CSMD1: variants seen among roughly 807,000 people sequenced by gnomAD.
The protein encoded by CSMD1 is CUB and sushi domain-containing protein 1.
Under a neutral mutation model 417.5 loss-of-function variants are expected in CSMD1, and 213 were observed. That is an observed-to-expected ratio of 0.51 (90% CI 0.46 to 0.57). CSMD1 has a LOEUF of 0.57. Ranked by LOEUF, CSMD1 falls within the 20% of genes least tolerant of loss-of-function variation. The pLI, the probability that CSMD1 is intolerant of heterozygous loss-of-function variation, is 0.00. For missense variants in CSMD1, 6,923 were observed against 4,529.7 expected (o/e 1.53, Z -15.17); for synonymous variants, 2,862 against 1,736.8 (o/e 1.65, Z -16.11).
intron 6 of CSMD1, among the ~76,000 whole-genome samples, chr8:3,718,409 G>A (rs1393251864): frequency 6.6e-6 from 1 of 152,142 alleles, no homozygotes; most frequent in Non-Finnish European, 1.5e-5. Context: ...ATCAGTCAGT[G>A]TCCTTTCCTT....
chr8:3,197,757 C>T (rs1198442911), intron 33 of CSMD1, among the ~76,000 whole-genome samples: 1 of 152,190 alleles, frequency 6.6e-6, no homozygotes, highest in Non-Finnish European at 1.5e-5. Flanking sequence ...AGCCACCGTG[C>T]CCGGCTTCAA....
rs1800641462 is a variant in CSMD1, at chr8:3,256,235, G to A, written c.4154-26004C>T. Among the ~76,000 whole-genome samples the A allele has an allele frequency of 3.4e-5, 5 of 148,888 alleles. No homozygotes were observed. The South Asian group carries it at 1.1e-3, about 32-fold the overall frequency. ...CCAACTACTCAGGGGGCTGAGGCAG[G>A]AGAATTGCTTGAACCTGGGAGGCAG... On this transcript the variant is annotated intron_variant, in intron 26 of 69. Transcript: ENST00000635120.
intron 1 of CSMD1, among the ~76,000 whole-genome samples, chr8:4,713,411 T>A (rs1423391150): frequency 6.6e-6 from 1 of 151,438 alleles, no homozygotes; most frequent in African/African-American, 2.4e-5. Context: ...TTTGTTTTGT[T>A]TTGTTTTTGA....
chr8:3,906,605 C>G (rs1379236438), intron 5 of CSMD1, among the ~76,000 whole-genome samples: 1 of 149,340 alleles, frequency 6.7e-6, no homozygotes, highest in African/African-American at 2.5e-5. Context: ...AGGTAATACT[C>G]TAGAATCTAA....
At chr8:3,921,568 C>T (rs11136679) in intron 5 of CSMD1, among the ~76,000 whole-genome samples, 35,183 of 151,932 alleles carry the variant, frequency 0.23, 5,011 homozygotes, top group East Asian at 0.42. Flanking sequence ...TTTGCTTCAT[C>T]TATTTTGGTG....
intron 7 of CSMD1, among the ~76,000 whole-genome samples, chr8:3,663,754 C>G (rs912374451): frequency 6.6e-6 from 1 of 151,894 alleles, no homozygotes; most frequent in South Asian, 2.1e-4. Flanking sequence ...CTGGACCGAA[C>G]CAACGTTCAC....
intron 5 of CSMD1, among the ~76,000 whole-genome samples, chr8:3,990,650 A>G (rs1814672305): frequency 6.6e-6 from 1 of 152,240 alleles, no homozygotes; most frequent in Non-Finnish European, 1.5e-5. Flanking sequence ...CCCGAATTAA[A>G]GGATTGCTCT....
chr8:4,003,217 C>A (rs187557694), intron 4 of CSMD1, among the ~76,000 whole-genome samples: 1 of 151,892 alleles, frequency 6.6e-6, no homozygotes, highest in South Asian at 2.1e-4. Context: ...CATGGTGAAA[C>A]CCCCTCTCTA....
intron 54 of CSMD1, among the ~76,000 whole-genome samples, chr8:2,980,585 A>T (rs1805320402): frequency 6.6e-6 from 1 of 152,122 alleles, no homozygotes; most frequent in Non-Finnish European, 1.5e-5. Context: ...TAACAACAGG[A>T]TCCAGTCACA....
intron 18 of CSMD1, among the ~76,000 whole-genome samples, chr8:3,376,249 G>A (rs1298161567): frequency 4.0e-5 from 6 of 151,784 alleles, no homozygotes; most frequent in Non-Finnish European, 8.8e-5. Flanking sequence ...GAAATATTAA[G>A]AAATAAAGAG....
intron 5 of CSMD1, among the ~76,000 whole-genome samples, chr8:3,984,769 GT>G (rs200103670): frequency 1.5e-5 from 2 of 133,694 alleles, no homozygotes; most frequent in African/African-American, 2.9e-5. Context: ...GTATTTGTGC[GT>G]GTGTGTGTGT....
At chr8:4,918,206 G>C (rs933250742) in intron 1 of CSMD1, among the ~76,000 whole-genome samples, 3 of 152,248 alleles carry the variant, frequency 2.0e-5, no homozygotes, top group African/African-American at 7.2e-5. Context: ...CGAAGGGGAT[G>C]ATGCTGATCG....
chr8:4,978,020 G>C (rs1278503932), intron 1 of CSMD1, among the ~76,000 whole-genome samples: 1 of 152,156 alleles, frequency 6.6e-6, no homozygotes, highest in Non-Finnish European at 1.5e-5. Flanking sequence ...CAATCGATGT[G>C]AGAGAGATAC....
At chr8:3,189,137 C>T (rs545389551) in intron 34 of CSMD1, 126 bp from the exon 35 acceptor site, 36 of 830,274 alleles carry the variant, frequency 4.3e-5, no homozygotes, top group African/African-American at 3.3e-4. Flanking sequence ...ATACGTTAAA[C>T]GGCACTTTTA....
chr8:3,490,423 T>G (rs933345570), intron 11 of CSMD1, among the ~76,000 whole-genome samples: 1 of 152,214 alleles, frequency 6.6e-6, no homozygotes, highest in African/African-American at 2.4e-5. Context: ...TCATAAGGCA[T>G]TACCTGCCTG....
At chr8:4,739,505 T>C (rs1414179472) in intron 1 of CSMD1, among the ~76,000 whole-genome samples, 1 of 152,214 alleles carries the variant, frequency 6.6e-6, no homozygotes, top group East Asian at 1.9e-4. Context: ...ACAAAACTTT[T>C]CTGTGCTGTG....
At chr8:4,426,454 A>C (rs902267238) in intron 2 of CSMD1, among the ~76,000 whole-genome samples, 1 of 148,444 alleles carries the variant, frequency 6.7e-6, no homozygotes, top group African/African-American at 2.4e-5. Flanking sequence ...CATATATAGT[A>C]AACATACAGA....
chr8:4,008,558 G>C (rs1272728381), intron 4 of CSMD1, among the ~76,000 whole-genome samples: 3 of 136,296 alleles, frequency 2.2e-5, no homozygotes, highest in Middle Eastern at 4.5e-3. Flanking sequence ...GATTGTTAAA[G>C]TTAGCACACA....
Position 4,906,828 on chromosome 8 carries a change from G to C in CSMD1, c.85+87504C>G, listed in dbSNP as rs543840271. 3.3e-4 allele frequency among the ~76,000 whole-genome samples: 50 copies of C among 152,342 alleles called. No homozygotes were observed. The South Asian group carries it at 7.5e-3, about 23-fold the overall frequency. ...CTGCCTCGGCCTCCCATAGTGCTGAGATTACAGGCGTGAGCCGCTGCCCCC... is the reference window on the plus strand; with the variant it reads ...CTGCCTCGGCCTCCCATAGTGCTGACATTACAGGCGTGAGCCGCTGCCCCC... On this transcript the variant is annotated intron_variant, in intron 1 of 69. Coordinates refer to ENST00000635120, the MANE Select transcript of CSMD1 (RefSeq NM_033225.6).
Sources: gnomAD v4.1 joint callset for allele counts (sites outside exome capture counted in the v4.1 genomes callset) on GRCh38, gnomAD v4.1.1 for gene constraint, MANE v1.5 for transcripts, NCBI Gene and HGNC (gene_info 2026-07-23, HGNC 2026-07-21) for gene names.